CALN1: variants seen among roughly 807,000 people sequenced by gnomAD.
The protein encoded by CALN1 is calcium-binding protein 8.
Under a neutral mutation model 30.6 loss-of-function variants are expected in CALN1, and 17 were observed. That is an observed-to-expected ratio of 0.56 (90% confidence interval 0.38 to 0.83). CALN1 has a LOEUF of 0.83. Among genes scored for constraint, CALN1 ranks in the 40% least tolerant of loss-of-function variants. The pLI is 0.00. For missense variants in CALN1, 291 were observed against 354.9 expected (o/e 0.82, Z 1.45); for synonymous variants, 156 against 131.4 (o/e 1.19, Z -1.28).
chr7:72,172,827 T>C (rs757311025), intron 3 of CALN1, among the ~76,000 whole-genome samples: 3 of 152,206 alleles, frequency 2.0e-5, no homozygotes, highest in Non-Finnish European at 1.5e-5. Flanking sequence ...GAAAGACCTG[T>C]ATCTCACATC....
At chr7:72,405,070 A>C (rs1250826553) in intron 1 of CALN1, among the ~76,000 whole-genome samples, 1 of 152,150 alleles carries the variant, frequency 6.6e-6, no homozygotes, top group Non-Finnish European at 1.5e-5. Context: ...CTGGTTCCCC[A>C]ATGGTTGTGG....
intron 5 of CALN1, among the ~76,000 whole-genome samples, chr7:71,924,359 T>A (rs993520247): frequency 6.6e-6 from 1 of 152,050 alleles, no homozygotes; most frequent in Non-Finnish European, 1.5e-5. Flanking sequence ...ATAGAATATA[T>A]TTCCTTGGCG....
intron 4 of CALN1, among the ~76,000 whole-genome samples, chr7:72,041,307 T>C (rs555049239): frequency 6.6e-6 from 1 of 152,204 alleles, no homozygotes; most frequent in South Asian, 2.1e-4. Context: ...AAAGGGACAC[T>C]GTGGGGCTGA....
At chr7:72,030,700 T>C (rs1801381637) in intron 4 of CALN1, among the ~76,000 whole-genome samples, 1 of 152,214 alleles carries the variant, frequency 6.6e-6, no homozygotes, top group East Asian at 1.9e-4. Flanking sequence ...TAACATTTAC[T>C]GGGCACGCAC....
intron 2 of CALN1, among the ~76,000 whole-genome samples, chr7:72,373,874 A>G (rs1330078463): frequency 6.6e-6 from 1 of 152,224 alleles, no homozygotes; most frequent in East Asian, 1.9e-4. Flanking sequence ...AAACAGAAAA[A>G]TGATGCATTG....
At chr7:72,079,831 C>A (rs183011550) in intron 4 of CALN1, among the ~76,000 whole-genome samples, 1 of 132,382 alleles carries the variant, frequency 7.6e-6, no homozygotes, top group East Asian at 2.1e-4. Context: ...AGTGCTGTGG[C>A]GTGATCTCGG....
intron 1 of CALN1, among the ~76,000 whole-genome samples, chr7:72,429,997 T>C (rs1003435628): frequency 3.3e-5 from 5 of 150,800 alleles, no homozygotes; most frequent in Non-Finnish European, 7.4e-5. Flanking sequence ...TTCTTTGTCC[T>C]TTTAGTAGAG....
At chr7:71,815,653 T>C (rs1788214186) in intron 5 of CALN1, among the ~76,000 whole-genome samples, 1 of 152,164 alleles carries the variant, frequency 6.6e-6, no homozygotes, top group Non-Finnish European at 1.5e-5. Flanking sequence ...TCAGTTACTC[T>C]GCACTATGAG....
chr7:72,218,522 G>C (rs12112510), intron 3 of CALN1, among the ~76,000 whole-genome samples: 1 of 152,026 alleles, frequency 6.6e-6, no homozygotes, highest in African/African-American at 2.4e-5. Flanking sequence ...TCAGTAGCCT[G>C]TTATTGTGAT....
intron 3 of CALN1, among the ~76,000 whole-genome samples, chr7:72,271,536 A>G (rs1368004995): frequency 1.5e-5 from 2 of 136,406 alleles, no homozygotes; most frequent in African/African-American, 5.8e-5. Flanking sequence ...AGTTAGGATT[A>G]TAAGCATGAA....
At chr7:72,339,232 G>C (rs191167256) in intron 2 of CALN1, among the ~76,000 whole-genome samples, 3 of 152,208 alleles carry the variant, frequency 2.0e-5, no homozygotes, top group East Asian at 3.9e-4. Context: ...GGACACATGG[G>C]TTGCTTCCAA....
At chr7:72,324,484 A>C (rs1005212618) in intron 2 of CALN1, among the ~76,000 whole-genome samples, 2 of 151,650 alleles carry the variant, frequency 1.3e-5, no homozygotes, top group Non-Finnish European at 2.9e-5. Context: ...TAACCTCCAA[A>C]ATCTTTCCCT....
chr7:72,304,467 G>A (rs1184045592), intron 2 of CALN1, among the ~76,000 whole-genome samples: 2 of 152,106 alleles, frequency 1.3e-5, no homozygotes, highest in African/African-American at 4.8e-5. Context: ...ACAACAGGAA[G>A]GCCCCATCTC....
chr7:71,937,099 C>G (rs146703481), intron 5 of CALN1, among the ~76,000 whole-genome samples: 206 of 152,230 alleles, frequency 1.4e-3, no homozygotes, highest in South Asian at 4.4e-3. Context: ...CTTTAAATAT[C>G]TATCTTTCTA....
At chr7:71,971,709 G>A (rs73187037) in intron 5 of CALN1, among the ~76,000 whole-genome samples, 4,442 of 150,900 alleles carry the variant, frequency 0.029, 107 homozygotes, top group Non-Finnish European at 0.047. Flanking sequence ...AACAGCCCGG[G>A]CAACATGGTA....
At chr7:71,880,994 A>G (rs1024185731) in intron 5 of CALN1, among the ~76,000 whole-genome samples, 3 of 152,184 alleles carry the variant, frequency 2.0e-5, no homozygotes, top group Non-Finnish European at 2.9e-5. Context: ...TCCACCCTCA[A>G]TCTGGGTGGG....
At chr7:72,326,217 G>C (rs1334029192) in intron 2 of CALN1, among the ~76,000 whole-genome samples, 1 of 152,116 alleles carries the variant, frequency 6.6e-6, no homozygotes. Context: ...TTTAACTATT[G>C]AAAGTGGTTT....
intron 5 of CALN1, among the ~76,000 whole-genome samples, chr7:71,986,855 C>T (rs941785936): frequency 3.9e-5 from 6 of 152,124 alleles, no homozygotes; most frequent in Non-Finnish European, 4.4e-5. Flanking sequence ...GGGCCAGGCA[C>T]GATGGCTCAT....
At chr7:72,255,458 A>G (rs1462421290) in intron 3 of CALN1, among the ~76,000 whole-genome samples, 2 of 150,370 alleles carry the variant, frequency 1.3e-5, no homozygotes, top group Admixed American at 1.3e-4. Context: ...TTTGTCACCC[A>G]GGCTGGAGTG....
Sources: allele counts gnomAD v4.1 joint callset (sites outside exome capture counted in the v4.1 genomes callset), GRCh38; gene constraint gnomAD v4.1.1; transcripts MANE v1.5; gene names NCBI Gene and HGNC (gene_info 2026-07-23, HGNC 2026-07-21).